Variants in ABHD17B observed in about 807,000 individuals in gnomAD.
ABHD17B encodes alpha/beta hydrolase domain-containing protein 17B.
Under a neutral mutation model 26.2 loss-of-function variants are expected in ABHD17B, and 9 were observed. The observed-to-expected ratio is 0.34, with a 90% confidence interval of 0.21 to 0.60. The LOEUF (loss-of-function observed/expected upper bound fraction) is 0.60, where lower values mean the gene tolerates loss of function less well. Ranked by LOEUF, ABHD17B falls within the 20% of genes least tolerant of loss-of-function variation. ABHD17B has a pLI of 0.80. For synonymous variants in ABHD17B, 127 were observed against 122.3 expected (o/e 1.04, Z -0.25); for missense variants, 224 against 352.1 (o/e 0.64, Z 2.91).
At chr9:71,899,728 A>G (rs748583360) in intron 1 of ABHD17B, among the ~76,000 whole-genome samples, 3 of 152,168 alleles carry the variant, frequency 2.0e-5, no homozygotes, top group Non-Finnish European at 2.9e-5. Context: ...TGAGACATAG[A>G]GCTTCTCTGG....
chr9:71,903,380 T>G (rs910865747), intron 1 of ABHD17B, among the ~76,000 whole-genome samples: 5 of 152,226 alleles, frequency 3.3e-5, no homozygotes, highest in African/African-American at 1.2e-4. Flanking sequence ...TTTGCTTTTA[T>G]ACTTTAAAGA....
chr9:71,865,428 T>C lies in ABHD17B; in HGVS notation c.*1359A>G. On this transcript the variant is annotated 3_prime_UTR_variant, in exon 4 of 4. Coordinates refer to ENST00000333421, the MANE Select transcript of ABHD17B (RefSeq NM_001025780.3). ...GTTCATTCAAGGAAAGGCAACTTAG[T>C]TTTTGTATGTGTGAGCTTTATTTTT... 1 of 984,592 alleles carries C rather than the reference T, an allele frequency of 1.0e-6. No individual in the cohort carries two copies. The highest frequency in any genetic ancestry group is 1.2e-6 in the Non-Finnish European group (1 of 829,106). 61.0% of individuals were successfully genotyped at this position (984,592 alleles called of 1,614,324 possible). A position where few individuals can be genotyped will look rare whatever the true frequency, so the allele number is the denominator to read the frequency against.
At chr9:71,885,409 G>A (rs1924486) in intron 1 of ABHD17B, among the ~76,000 whole-genome samples, 140,434 of 150,044 alleles carry the variant, frequency 0.94, 66,358 homozygotes, top group East Asian at 1. Context: ...ACAGTGAGCC[G>A]AGATTGCACC....
At chr9:71,900,805 C>G (rs1170877653) in intron 1 of ABHD17B, among the ~76,000 whole-genome samples, 1 of 152,050 alleles carries the variant, frequency 6.6e-6, no homozygotes, top group Non-Finnish European at 1.5e-5. Context: ...CTTTCAGTAT[C>G]TTGAAAGCAT....
intron 1 of ABHD17B, among the ~76,000 whole-genome samples, chr9:71,890,365 T>C (rs139245751): frequency 6.6e-6 from 1 of 152,296 alleles, no homozygotes; most frequent in East Asian, 1.9e-4. Context: ...TGATTTATTT[T>C]AGTTTGTATT....
chr9:71,868,052 CAAAAAAAA>C (rs531749783), intron 3 of ABHD17B, among the ~76,000 whole-genome samples: 4 of 131,538 alleles, frequency 3.0e-5, no homozygotes, highest in African/African-American at 1.2e-4. Context: ...ACTAAAAATA[CAAAAAAAA>C]AAAAAAAAAT....
intron 1 of ABHD17B, among the ~76,000 whole-genome samples, chr9:71,908,162 G>A (rs1165843401): frequency 3.3e-5 from 5 of 152,108 alleles, no homozygotes; most frequent in East Asian, 1.9e-4. Context: ...AGGCCAAGGC[G>A]GGTGGATCAC....
chr9:71,904,820 T>C (rs1658518321), intron 1 of ABHD17B, among the ~76,000 whole-genome samples: 1 of 152,146 alleles, frequency 6.6e-6, no homozygotes, highest in African/African-American at 2.4e-5. Flanking sequence ...CTAAAAACAA[T>C]TACTATCACT....
chr9:71,879,692 C>A (rs1367778429), intron 1 of ABHD17B, among the ~76,000 whole-genome samples: 1 of 152,184 alleles, frequency 6.6e-6, no homozygotes, highest in Non-Finnish European at 1.5e-5. Context: ...TCAGAAAAGG[C>A]TTCCACTACT....
intron 1 of ABHD17B, among the ~76,000 whole-genome samples, chr9:71,900,416 G>A (rs766506095): frequency 1.3e-5 from 2 of 152,116 alleles, no homozygotes; most frequent in African/African-American, 2.4e-5. Context: ...TGTAATCCCA[G>A]CACTTTGGGA....
intron 1 of ABHD17B, among the ~76,000 whole-genome samples, chr9:71,880,025 G>A (rs1826393652): frequency 6.6e-6 from 1 of 152,138 alleles, no homozygotes. Flanking sequence ...AAGGAAAAAG[G>A]ACTTTGAGCT....
At chr9:71,886,537 C>T (rs72739867) in intron 1 of ABHD17B, among the ~76,000 whole-genome samples, 61 of 152,238 alleles carry the variant, frequency 4.0e-4, no homozygotes, top group Non-Finnish European at 7.4e-4. Flanking sequence ...TTATGCAGGA[C>T]CAAAGCTCGT....
Position 71,866,310 on chromosome 9 carries a change from T to A in ABHD17B, c.*477A>T. ...TGTACAACAGGGTTTAGGTTAATTC[T>A]AGTGAACTTGCATGGTTTTAAATCT... On this transcript the variant is annotated 3_prime_UTR_variant, in exon 4 of 4. Transcript: ENST00000333421. 1 of 990,170 alleles carries A rather than the reference T, an allele frequency of 1.0e-6. No individual in the cohort carries two copies. Among genetic ancestry groups the A allele is most frequent in the Non-Finnish European group, 1.2e-6 (1 of 832,068 alleles). The allele number at this position is 990,170 out of a possible 1,614,324, so 61.3% of individuals were successfully genotyped here.
At chr9:71,901,194 C>CTG (rs1827128795) in intron 1 of ABHD17B, among the ~76,000 whole-genome samples, 1 of 151,862 alleles carries the variant, frequency 6.6e-6, no homozygotes, top group Non-Finnish European at 1.5e-5. Context: ...TTGCATGTAT[C>CTG]TGTATCTAGA....
At chr9:71,882,707 T>C (rs1248254033) in intron 1 of ABHD17B, among the ~76,000 whole-genome samples, 1 of 150,708 alleles carries the variant, frequency 6.6e-6, no homozygotes, top group East Asian at 1.9e-4. Context: ...GTAGTATATA[T>C]ATCCATAAAA....
At chr9:71,901,654 T>G (rs1395423048) in intron 1 of ABHD17B, among the ~76,000 whole-genome samples, 1 of 152,190 alleles carries the variant, frequency 6.6e-6, no homozygotes, top group Non-Finnish European at 1.5e-5. Context: ...TCTCTCCCCT[T>G]AAACTCTAGA....
intron 1 of ABHD17B, among the ~76,000 whole-genome samples, chr9:71,884,429 AAC>A (rs780827738): frequency 2.0e-4 from 31 of 151,742 alleles, no homozygotes; most frequent in Non-Finnish European, 4.1e-4. Context: ...ATAGAAAATT[AAC>A]ACAGTCAGAA....
At position 71,884,500 on chromosome 9, in the gene ABHD17B, G is replaced by A. The variant is rs535980885; in HGVS notation, c.-3-9417C>T. 3.7e-3 allele frequency among the ~76,000 whole-genome samples: 562 copies of A among 152,024 alleles called. 3 individuals are homozygous for A. Among genetic ancestry groups the A allele is most frequent in the African/African-American group, 0.012 (499 of 41,436 alleles). ...GTATTGGGTGAAAAAAGTAAGGTAC[G>A]AACAGATCTATAATATCATTAACAT... On this transcript the variant is annotated intron_variant, in intron 1 of 3. Transcript: ENST00000333421.
At chr9:71,898,854 G>A (rs1307268713) in intron 1 of ABHD17B, among the ~76,000 whole-genome samples, 1 of 152,148 alleles carries the variant, frequency 6.6e-6, no homozygotes, top group African/African-American at 2.4e-5. Context: ...TAGGCGTGGT[G>A]GTGCACACCT....
Sources: allele counts gnomAD v4.1 joint callset (sites outside exome capture counted in the v4.1 genomes callset), GRCh38; gene constraint gnomAD v4.1.1; transcripts MANE v1.5; gene names NCBI Gene and HGNC (gene_info 2026-07-23, HGNC 2026-07-21).